The following PRKCI variants were observed in gnomAD, a reference collection of about 807,000 sequenced individuals.
The protein encoded by PRKCI is protein kinase C iota type.
In PRKCI, 43 loss-of-function variants were observed where a neutral mutation model predicts 84.0. That is an observed-to-expected ratio of 0.51 (90% CI 0.40 to 0.66). The LOEUF is 0.66. PRKCI is among the 30% of genes least tolerant of loss of function. The pLI, the probability that PRKCI is intolerant of heterozygous loss-of-function variation, is 0.00. For missense variants in PRKCI, 459 were observed against 745.6 expected (o/e 0.62, Z 4.48); for synonymous variants, 216 against 234.4 (o/e 0.92, Z 0.72).
intron 1 of PRKCI, among the ~76,000 whole-genome samples, chr3:170,228,323 G>C (rs1280995655): frequency 6.6e-6 from 1 of 152,120 alleles, no homozygotes; most frequent in African/African-American, 2.4e-5. Context: ...AAAGAGGCTG[G>C]GTATGGTGGT....
chr3:170,252,801 C>T (rs887764703), intron 2 of PRKCI, among the ~76,000 whole-genome samples: 1 of 151,810 alleles, frequency 6.6e-6, no homozygotes, highest in South Asian at 2.1e-4. Context: ...CTGTGTTGCC[C>T]GGGGTGGTCT....
intron 2 of PRKCI, among the ~76,000 whole-genome samples, chr3:170,258,280 A>C (rs1733637388): frequency 6.6e-6 from 1 of 150,576 alleles, no homozygotes; most frequent in Non-Finnish European, 1.5e-5. Context: ...ACTCACTTTC[A>C]CTCGCTCAGG....
chr3:170,281,415 A>G (rs1191843158), intron 10 of PRKCI, 152 bp downstream of exon 10: 227 of 612,402 alleles, frequency 3.7e-4, no homozygotes, highest in Non-Finnish European at 1.1e-5. Context: ...TACTGCCATC[A>G]GTGATATCAG....
intron 11 of PRKCI, among the ~76,000 whole-genome samples, chr3:170,283,798 A>ACATGAT (rs1734312019): frequency 6.6e-6 from 1 of 152,238 alleles, no homozygotes; most frequent in Non-Finnish European, 1.5e-5. Context: ...GTACCTCCAC[A>ACATGAT]CATGATCATG....
At chr3:170,297,483 C>A in intron 16 of PRKCI, 90 bp downstream of exon 16, 2 of 1,046,532 alleles carry the variant, frequency 1.9e-6, no homozygotes, top group Non-Finnish European at 2.9e-6. Context: ...TAGACAGAGT[C>A]TTGCTCTGTC....
intron 6 of PRKCI, among the ~76,000 whole-genome samples, chr3:170,271,575 CTCTT>C (rs1734006369): frequency 6.6e-6 from 1 of 152,214 alleles, no homozygotes; most frequent in African/African-American, 2.4e-5. Context: ...TCATTTCTCT[CTCTT>C]CTTTTTTTCC....
chr3:170,293,341 T>C (rs760631924), intron 13 of PRKCI, 42 bp from the exon 14 acceptor site: 2 of 1,557,288 alleles, frequency 1.3e-6, no homozygotes, highest in Non-Finnish European at 8.7e-7. Flanking sequence ...CTTTCAAGAA[T>C]GCAAAGTGTA....
At chr3:170,258,929 A>G (rs1347594830) in intron 2 of PRKCI, among the ~76,000 whole-genome samples, 1 of 152,216 alleles carries the variant, frequency 6.6e-6, no homozygotes, top group Non-Finnish European at 1.5e-5. Context: ...AGAAACAGGT[A>G]ACAGAAAGCC....
chr3:170,282,371 G>A (rs1734269240), intron 11 of PRKCI, among the ~76,000 whole-genome samples: 1 of 152,066 alleles, frequency 6.6e-6, no homozygotes. Context: ...TTCACGATAA[G>A]AGTGCTATTC....
At chr3:170,227,965 A>G (rs1043905944) in intron 1 of PRKCI, among the ~76,000 whole-genome samples, 7 of 152,200 alleles carry the variant, frequency 4.6e-5, no homozygotes, top group Admixed American at 4.6e-4. Context: ...CAGTAGAATT[A>G]AAGATAGTCT....
intron 5 of PRKCI, 45 bp from the exon 6 acceptor site, chr3:170,270,376 A>G: frequency 6.5e-7 from 1 of 1,549,024 alleles, no homozygotes; most frequent in Non-Finnish European, 8.8e-7. Context: ...GGAAATGGTT[A>G]TGACCTTCTT....
intron 8 of PRKCI, among the ~76,000 whole-genome samples, chr3:170,278,615 C>G (rs1184235798): frequency 6.6e-6 from 1 of 152,200 alleles, no homozygotes; most frequent in East Asian, 1.9e-4. Context: ...ATGTTCGTGC[C>G]ACTGCACTGC....
chr3:170,227,048 G>A (rs914240525), intron 1 of PRKCI, among the ~76,000 whole-genome samples: 2 of 152,216 alleles, frequency 1.3e-5, no homozygotes, highest in African/African-American at 4.8e-5. Context: ...AATGAAAGAT[G>A]TGAAGAAGCA....
chr3:170,282,055 A>G lies in PRKCI; in HGVS notation c.1067+87A>G, dbSNP rs1014754293. 6.7e-6 allele frequency: 9 copies of G among 1,338,662 alleles called. No homozygotes were observed. The Admixed American group carries it at 2.2e-4, about 32-fold the overall frequency. 82.9% of individuals were successfully genotyped at this position (1,338,662 alleles called of 1,614,324 possible). ...AGTGGTTGGAAACAGTAGATAAATA[A>G]TTTATTTTGATACTAGTTAATTATT... On this transcript the variant is annotated intron_variant, in intron 11 of 17. Coordinates refer to ENST00000295797, the MANE Select transcript of PRKCI (RefSeq NM_002740.6).
chr3:170,256,864 G>A (rs1166761854), intron 2 of PRKCI, among the ~76,000 whole-genome samples: 1 of 151,750 alleles, frequency 6.6e-6, no homozygotes, highest in African/African-American at 2.4e-5. Context: ...TTTGGTAGTA[G>A]TTGTGTTTCT....
chr3:170,272,487 CAG>C (rs1366028483), intron 6 of PRKCI, among the ~76,000 whole-genome samples: 2 of 152,080 alleles, frequency 1.3e-5, no homozygotes, highest in East Asian at 3.9e-4. Flanking sequence ...TAAGGAAAAA[CAG>C]AAGGCTGACT....
intron 11 of PRKCI, among the ~76,000 whole-genome samples, chr3:170,282,969 G>A (rs1417283129): frequency 6.6e-6 from 1 of 151,894 alleles, no homozygotes; most frequent in Non-Finnish European, 1.5e-5. Flanking sequence ...GCCGGGCGTG[G>A]TGGCGGGCAC....
chr3:170,249,532 T>A (rs1733383331), intron 2 of PRKCI, among the ~76,000 whole-genome samples: 1 of 152,178 alleles, frequency 6.6e-6, no homozygotes, highest in African/African-American at 2.4e-5. Context: ...CTCACGCCTG[T>A]AATCCCAGCA....
chr3:170,226,037 C>G (rs1006756490), intron 1 of PRKCI, among the ~76,000 whole-genome samples: 1 of 151,962 alleles, frequency 6.6e-6, no homozygotes, highest in Non-Finnish European at 1.5e-5. Flanking sequence ...GGCTGCCTCC[C>G]GAGTAGGTGG....
Sources: allele counts gnomAD v4.1 joint callset (sites outside exome capture counted in the v4.1 genomes callset), GRCh38; gene constraint gnomAD v4.1.1; transcripts MANE v1.5; gene names NCBI Gene and HGNC (gene_info 2026-07-23, HGNC 2026-07-21).